The following RNF13 variants were observed in gnomAD, a reference collection of about 807,000 sequenced individuals.
The protein encoded by RNF13 is ring finger protein 13, also known as E3 ubiquitin-protein ligase RNF13.
In RNF13, 19 loss-of-function variants were observed where a neutral mutation model predicts 37.7. That is an observed-to-expected ratio of 0.50 (90% CI 0.35 to 0.74). RNF13 has a LOEUF of 0.74. RNF13 is among the 30% of genes least tolerant of loss of function. The pLI, the probability that RNF13 is intolerant of heterozygous loss-of-function variation, is 0.01. For synonymous variants in RNF13, 144 were observed against 157.8 expected, an observed-to-expected ratio of 0.91 and a Z score of 0.65; for missense variants, 375 against 453.0, an observed-to-expected ratio of 0.83 and a Z score of 1.56.
intron 1 of RNF13, among the ~76,000 whole-genome samples, chr3:149,826,384 T>A (rs1346996596): frequency 6.6e-6 from 1 of 152,214 alleles, no homozygotes; most frequent in Non-Finnish European, 1.5e-5. Flanking sequence ...AAATGACTGC[T>A]CAGATTTGTT....
chr3:149,931,582 T>C lies in RNF13; in HGVS notation c.700+10355T>C, dbSNP rs115012362. 8.5e-3 allele frequency among the ~76,000 whole-genome samples: 1,301 copies of C among 152,284 alleles called. 23 individuals are homozygous for C. The highest frequency in any genetic ancestry group is 0.03 in the African/African-American group (1,226 of 41,544). ...ATTTTTTATTGATATATAATAGTTG[T>C]ACATATTTATGGGGTACATGTTATA... On this transcript the variant is annotated intron_variant, in intron 8 of 9. Transcript: ENST00000392894.
chr3:149,814,471 CTGTAGTGCAGGAAG>C (rs1719218572), intron 1 of RNF13: 1 of 152,084 alleles, frequency 6.6e-6, no homozygotes, highest in Non-Finnish European at 1.5e-5. Flanking sequence ...TAGTGCAGTG[CTGTAGTGCAGGAAG>C]TGTAGTGCAG....
At chr3:149,948,385 A>ATTAC (rs1254075815) in intron 8 of RNF13, among the ~76,000 whole-genome samples, 1 of 152,114 alleles carries the variant, frequency 6.6e-6, no homozygotes, top group Admixed American at 6.5e-5. Context: ...GGAAAGGACT[A>ATTAC]TTACTTTTGT....
At chr3:149,819,937 A>G (rs988594641) in intron 1 of RNF13, among the ~76,000 whole-genome samples, 1 of 152,220 alleles carries the variant, frequency 6.6e-6, no homozygotes, top group African/African-American at 2.4e-5. Flanking sequence ...ACTTTGAAAT[A>G]AAGTCTGAGG....
intron 3 of RNF13, among the ~76,000 whole-genome samples, chr3:149,853,720 A>G (rs1723369516): frequency 6.6e-6 from 1 of 151,902 alleles, no homozygotes; most frequent in Admixed American, 6.6e-5. Flanking sequence ...TGGGGGTTAG[A>G]AAGTCCTTTC....
chr3:149,856,055 G>A (rs180870308), intron 3 of RNF13, among the ~76,000 whole-genome samples: 12 of 151,378 alleles, frequency 7.9e-5, no homozygotes, highest in Admixed American at 1.3e-4. Flanking sequence ...CAATTACTGT[G>A]CTACTATAAA....
chr3:149,858,614 G>A (rs1351235448), intron 3 of RNF13, among the ~76,000 whole-genome samples: 1 of 152,204 alleles, frequency 6.6e-6, no homozygotes, highest in Non-Finnish European at 1.5e-5. Flanking sequence ...TATATACTGT[G>A]TTTTGTAACC....
At chr3:149,950,480 T>A (rs1038914146) in intron 8 of RNF13, among the ~76,000 whole-genome samples, 1 of 152,182 alleles carries the variant, frequency 6.6e-6, no homozygotes, top group Non-Finnish European at 1.5e-5. Context: ...AACCTTTTTT[T>A]AAAATTAGGA....
intron 1 of RNF13, among the ~76,000 whole-genome samples, chr3:149,827,658 T>C (rs939723136): frequency 5.3e-5 from 8 of 152,168 alleles, no homozygotes; most frequent in African/African-American, 1.4e-4. Context: ...ACAAGTATTA[T>C]AGTGTGATAG....
chr3:149,892,637 T>C (rs886167548), intron 4 of RNF13, among the ~76,000 whole-genome samples: 1 of 152,148 alleles, frequency 6.6e-6, no homozygotes, highest in Non-Finnish European at 1.5e-5. Flanking sequence ...AGTGGTGCAT[T>C]AGATTCTCGT....
chr3:149,871,272 C>T (rs1228056838), intron 3 of RNF13, among the ~76,000 whole-genome samples: 1 of 151,640 alleles, frequency 6.6e-6, no homozygotes, highest in Non-Finnish European at 1.5e-5. Context: ...GAACTCCTGA[C>T]TTCAGGTGAT....
chr3:149,903,560 G>A (rs1160785325), intron 6 of RNF13, among the ~76,000 whole-genome samples: 2 of 151,946 alleles, frequency 1.3e-5, no homozygotes, highest in Admixed American at 6.6e-5. Flanking sequence ...CTCATAAAAT[G>A]GAACCATACG....
intron 8 of RNF13, chr3:149,939,342 T>C (rs967428184): frequency 2.2e-6 from 1 of 459,076 alleles, no homozygotes; most frequent in African/African-American, 2.0e-5. Context: ...TTTTACTTTT[T>C]TCTGTGGAAC....
chr3:149,938,448 C>G (rs555248396), intron 8 of RNF13, among the ~76,000 whole-genome samples: 2 of 150,578 alleles, frequency 1.3e-5, no homozygotes, highest in East Asian at 3.9e-4. Context: ...CCTGGAATTA[C>G]AGGTATGAGC....
chr3:149,910,924 C>A (rs1029229578), intron 6 of RNF13, among the ~76,000 whole-genome samples: 1 of 152,202 alleles, frequency 6.6e-6, no homozygotes, highest in Middle Eastern at 3.4e-3. Context: ...TTTCATGGGT[C>A]CCTGTCAATT....
intron 2 of RNF13, among the ~76,000 whole-genome samples, chr3:149,849,190 A>G (rs1258005945): frequency 2.0e-5 from 3 of 152,232 alleles, no homozygotes; most frequent in Non-Finnish European, 2.9e-5. Flanking sequence ...TCAGTGCTGT[A>G]TATTCTGAGA....
intron 8 of RNF13, among the ~76,000 whole-genome samples, chr3:149,945,588 G>A (rs1010529968): frequency 1.3e-5 from 2 of 152,168 alleles, no homozygotes; most frequent in African/African-American, 2.4e-5. Context: ...CCAGCACGCA[G>A]CTTGAGATCT....
At chr3:149,872,833 G>A (rs766968440) in intron 4 of RNF13, among the ~76,000 whole-genome samples, 11 of 152,188 alleles carry the variant, frequency 7.2e-5, no homozygotes, top group Non-Finnish European at 7.4e-5. Context: ...AAACCGCCCT[G>A]TCATGCTGTG....
At chr3:149,828,355 G>A (rs1454065174) in intron 1 of RNF13, among the ~76,000 whole-genome samples, 1 of 152,176 alleles carries the variant, frequency 6.6e-6, no homozygotes, top group Non-Finnish European at 1.5e-5. Flanking sequence ...ATCAATGTTG[G>A]CTACAGTGAT....
Sources: gnomAD v4.1 joint callset for allele counts (sites outside exome capture counted in the v4.1 genomes callset) on GRCh38, gnomAD v4.1.1 for gene constraint, MANE v1.5 for transcripts, NCBI Gene and HGNC (gene_info 2026-07-23, HGNC 2026-07-21) for gene names.